Variants in ZNF638 observed in about 807,000 individuals in gnomAD.
ZNF638 encodes the protein CTCL tumor antigen se33-1.
Under a neutral mutation model 195.6 loss-of-function variants are expected in ZNF638, and 46 were observed. That is an observed-to-expected ratio of 0.24 (90% CI 0.19 to 0.30). The LOEUF is 0.30. ZNF638 is among the 10% of genes least tolerant of loss of function. The probability of loss-of-function intolerance (pLI) is 1.00; values close to 1 mark genes in which losing one functional copy is unlikely to be tolerated. For synonymous variants in ZNF638, 845 were observed against 772.0 expected (o/e 1.09, Z -1.57); for missense variants, 2,440 against 2,325.3 (o/e 1.05, Z -1.01).
At chr2:71,355,912 A>C in intron 3 of ZNF638, 132 bp downstream of exon 3, 1 of 466,778 alleles carries the variant, frequency 2.1e-6, no homozygotes, top group Non-Finnish European at 3.7e-6. Context: ...TCTTTTAAAA[A>C]TATTAGTTTT....
intron 1 of ZNF638, among the ~76,000 whole-genome samples, chr2:71,337,202 ATGT>A (rs2078685859): frequency 6.6e-6 from 1 of 151,902 alleles, no homozygotes; most frequent in Non-Finnish European, 1.5e-5. Context: ...TGGACATGAA[ATGT>A]TGTGCCATTA....
intron 1 of ZNF638, among the ~76,000 whole-genome samples, chr2:71,338,674 G>A (rs974131872): frequency 2.6e-5 from 4 of 152,036 alleles, no homozygotes; most frequent in Non-Finnish European, 5.9e-5. Context: ...TTTCCTGGGG[G>A]GCTGTAACAC....
At chr2:71,428,457 A>G (rs1010772183) in intron 24 of ZNF638, 90 bp from the exon 25 acceptor site, 24 of 1,190,274 alleles carry the variant, frequency 2.0e-5, no homozygotes, top group South Asian at 7.2e-5. Context: ...GCAAAAATGT[A>G]TAATGTTGAT....
At chr2:71,344,373 T>C (rs768526570) in intron 1 of ZNF638, among the ~76,000 whole-genome samples, 1 of 152,208 alleles carries the variant, frequency 6.6e-6, no homozygotes, top group Non-Finnish European at 1.5e-5. Flanking sequence ...TCTGCAAGCT[T>C]TTATAATTGC....
chr2:71,380,615 T>C (rs778201938), intron 10 of ZNF638, 50 bp downstream of exon 10: 9 of 1,464,448 alleles, frequency 6.1e-6, no homozygotes, highest in Non-Finnish European at 7.5e-6. Flanking sequence ...CTTGTCAGTT[T>C]AGTAGAAACT....
chr2:71,358,587 C>G (rs1476858758), intron 3 of ZNF638, among the ~76,000 whole-genome samples: 1 of 152,210 alleles, frequency 6.6e-6, no homozygotes, highest in Non-Finnish European at 1.5e-5. Context: ...TTTCGTTACA[C>G]AGGTAACTGT....
At chr2:71,384,413 T>G (rs1205126303) in intron 10 of ZNF638, among the ~76,000 whole-genome samples, 1 of 152,234 alleles carries the variant, frequency 6.6e-6, no homozygotes, top group African/African-American at 2.4e-5. Flanking sequence ...CCCCAGATTA[T>G]CTTTTGAACC....
intron 3 of ZNF638, among the ~76,000 whole-genome samples, chr2:71,359,724 G>C (rs2079078194): frequency 6.6e-6 from 1 of 152,162 alleles, no homozygotes; most frequent in African/African-American, 2.4e-5. Flanking sequence ...ATTTGGTTAG[G>C]TGCTTGGGAT....
chr2:71,372,471 C>T (rs2079331769), intron 8 of ZNF638, among the ~76,000 whole-genome samples: 1 of 152,160 alleles, frequency 6.6e-6, no homozygotes, highest in African/African-American at 2.4e-5. Flanking sequence ...TGCGCTGTCC[C>T]TTCCTAAAGT....
At chr2:71,335,895 T>C (rs1479502948) in intron 1 of ZNF638, among the ~76,000 whole-genome samples, 1 of 152,232 alleles carries the variant, frequency 6.6e-6, no homozygotes, top group African/African-American at 2.4e-5. Flanking sequence ...GGAGTCAGGA[T>C]CCAACTAATG....
chr2:71,388,043 CA>C (rs1394986073), intron 10 of ZNF638, among the ~76,000 whole-genome samples: 1 of 152,070 alleles, frequency 6.6e-6, no homozygotes, highest in African/African-American at 2.4e-5. Flanking sequence ...AAAATCCTAC[CA>C]GTTTCCATTT....
In ZNF638 at chr2:71,422,932, T is replaced by A; in HGVS notation, c.3418T>A (p.Leu1140Met). ...ESTPSIQTET[L>M]VQQEEPCEEE... ...TACTCCCAGCATTCAAACAGAAACT[T>A]TGGTACAGCAGGAAGAGCCTTGTGA... The change falls in exon 22 of 28, where the codon TTG becomes ATG. Residue 1140 changes from leucine to methionine, a missense_variant. Leu to Met is a conservative substitution (Grantham distance 15, BLOSUM62 2). Around this residue, in one of 5 missense-constraint regions of ZNF638, gnomAD observed 1,883 missense variants for 1,739.1 expected, o/e 1.08. Transcript: ENST00000264447. 6.2e-7 allele frequency: 1 copy of A among 1,614,064 alleles called. No homozygotes were observed. The highest frequency in any genetic ancestry group is 2.2e-5 in the East Asian group (1 of 44,862).
chr2:71,348,812 C>G lies in ZNF638; in HGVS notation c.-143C>G, dbSNP rs1266729094. ...GTGAATTCCTTGAACCTGGGCATTG[C>G]AAACCCACTTCTGTTGGGCCCATCT... On this transcript the variant is annotated 5_prime_UTR_variant, in exon 2 of 28. Transcript: ENST00000264447. 1 of 1,587,822 alleles carries G rather than the reference C, an allele frequency of 6.3e-7. No individual in the cohort carries two copies. The highest frequency in any genetic ancestry group is 8.5e-7 in the Non-Finnish European group (1 of 1,170,682).
chr2:71,350,499 G>A (rs2542499), intron 2 of ZNF638, among the ~76,000 whole-genome samples: 24,152 of 152,102 alleles, frequency 0.16, 2,416 homozygotes, highest in East Asian at 0.57. Context: ...TTTTAGTAGT[G>A]TGTCCATTTA....
chr2:71,372,656 A>G (rs1031303605), intron 8 of ZNF638, among the ~76,000 whole-genome samples: 2 of 152,218 alleles, frequency 1.3e-5, no homozygotes, highest in African/African-American at 4.8e-5. Flanking sequence ...GTGTGCAGAT[A>G]GTCGTTAAAA....
rs1359430492 is a variant in ZNF638, at chr2:71,423,874, A to G, written c.4360A>G (p.Ser1454Gly). The change falls in exon 22 of 28, where the codon AGT becomes GGT. Residue 1454 changes from serine to glycine, a missense_variant. This residue lies in a region of ZNF638 where 1,883 missense variants were observed against 1,739.1 expected (regional missense o/e 1.08). Coordinates refer to ENST00000264447, the MANE Select transcript of ZNF638 (RefSeq NM_014497.5). ...SARSGLAESS[S>G]KFKPTQSSLT... ...CAGGTCAGGCTTGGCAGAAAGCAGC[A>G]GTAAATTCAAACCTACTCAGAGCAG... 1 of 1,614,038 alleles carries G rather than the reference A, an allele frequency of 6.2e-7. No homozygotes were observed. Among genetic ancestry groups the G allele is most frequent in the Non-Finnish European group, 8.5e-7 (1 of 1,180,020 alleles).
chr2:71,342,218 C>CAAA (rs70959232), intron 1 of ZNF638, among the ~76,000 whole-genome samples: 51,006 of 98,706 alleles, frequency 0.52, 14,632 homozygotes, highest in Non-Finnish European at 0.61. Context: ...GACTCTGTCT[C>CAAA]AAAAAAAAAA....
chr2:71,346,630 A>G (rs892743386), intron 1 of ZNF638, among the ~76,000 whole-genome samples: 2 of 152,182 alleles, frequency 1.3e-5, no homozygotes, highest in East Asian at 3.8e-4. Flanking sequence ...TTAGCCATGA[A>G]CATAAACCTT....
intron 27 of ZNF638, 140 bp from the exon 28 acceptor site, chr2:71,434,602 A>G: frequency 1.5e-6 from 1 of 669,952 alleles, no homozygotes; most frequent in Non-Finnish European, 2.5e-6. Flanking sequence ...TGAAAGGAAG[A>G]AATGGTTATA....
Sources: gnomAD v4.1 joint callset for allele counts (sites outside exome capture counted in the v4.1 genomes callset) on GRCh38, gnomAD v4.1.1 for gene constraint, gnomAD v4.1.1 regional missense constraint, MANE v1.5 for transcripts, NCBI Gene and HGNC (gene_info 2026-07-23, HGNC 2026-07-21) for gene names.